SNX29: variants seen among roughly 807,000 people sequenced by gnomAD.
SNX29 encodes sorting nexin 29.
A neutral mutation model predicts 102.1 loss-of-function variants in SNX29; 78 were observed. That is an observed-to-expected ratio of 0.76 (90% CI 0.64 to 0.92). The LOEUF (loss-of-function observed/expected upper bound fraction) is 0.92, where lower values mean the gene tolerates loss of function less well. SNX29 is among the 40% of genes least tolerant of loss of function. The probability of loss-of-function intolerance (pLI) is 0.00; values close to 1 mark genes in which losing one functional copy is unlikely to be tolerated. For missense variants in SNX29, 1,280 were observed against 1,061.7 expected (o/e 1.21, Z -2.86); for synonymous variants, 580 against 414.5 (o/e 1.40, Z -4.85).
At chr16:12,506,867 C>A (rs1427473668) in intron 19 of SNX29, among the ~76,000 whole-genome samples, 3 of 141,624 alleles carry the variant, frequency 2.1e-5, no homozygotes, top group Non-Finnish European at 4.7e-5. Flanking sequence ...TCTTTCAAAT[C>A]TCTTTCCTCA....
intron 20 of SNX29, among the ~76,000 whole-genome samples, chr16:12,552,552 G>A (rs566748696): frequency 2.6e-5 from 4 of 152,290 alleles, no homozygotes; most frequent in African/African-American, 9.6e-5. Context: ...CCCAGCACTG[G>A]CACACAGGCC....
chr16:12,434,449 C>T (rs537657658), intron 18 of SNX29, among the ~76,000 whole-genome samples: 5 of 152,142 alleles, frequency 3.3e-5, no homozygotes, highest in South Asian at 2.1e-4. Flanking sequence ...GGGAGCAGGG[C>T]GAGGGAGCCG....
intron 20 of SNX29, among the ~76,000 whole-genome samples, chr16:12,565,652 G>T (rs775896339): frequency 1.3e-5 from 2 of 152,212 alleles, no homozygotes; most frequent in African/African-American, 4.8e-5. Context: ...ATAGCCTCGT[G>T]ACAGCTCAGT....
intron 19 of SNX29, among the ~76,000 whole-genome samples, chr16:12,517,222 C>A (rs939506188): frequency 1.3e-5 from 2 of 152,192 alleles, no homozygotes; most frequent in African/African-American, 4.8e-5. Flanking sequence ...TGCCTCCAGT[C>A]CTGTGGCTTC....
At chr16:12,490,694 A>G (rs2088502036) in intron 19 of SNX29, among the ~76,000 whole-genome samples, 1 of 152,240 alleles carries the variant, frequency 6.6e-6, no homozygotes, top group Admixed American at 6.5e-5. Flanking sequence ...AAAGAATAGG[A>G]TACCAGGCAC....
chr16:12,232,287 G>A (rs758553985), intron 14 of SNX29, among the ~76,000 whole-genome samples: 10 of 152,204 alleles, frequency 6.6e-5, no homozygotes, highest in Admixed American at 2.6e-4. Flanking sequence ...TGAACTTTGG[G>A]AGGCCGAGGT....
At chr16:12,252,639 G>GCACCAGGTGACCTCCTGTCAC (rs2078455050) in intron 14 of SNX29, among the ~76,000 whole-genome samples, 1 of 152,208 alleles carries the variant, frequency 6.6e-6, no homozygotes, top group East Asian at 1.9e-4. Flanking sequence ...GCTCCTGTCT[G>GCACCAGGTGACCTCCTGTCAC]CACCAGGTGA....
At chr16:12,564,172 G>T (rs890580231) in intron 20 of SNX29, among the ~76,000 whole-genome samples, 1 of 152,046 alleles carries the variant, frequency 6.6e-6, no homozygotes, top group African/African-American at 2.4e-5. Context: ...AGGATTGCTT[G>T]AGTTCAGGAG....
intron 20 of SNX29, chr16:12,557,828 C>G (rs931426849): frequency 1.3e-5 from 2 of 152,168 alleles, no homozygotes; most frequent in African/African-American, 4.8e-5. Context: ...TGTTGTTCAC[C>G]AAAACATCAT....
rs1031112260 is a variant in SNX29 at position 12,056,444 on chromosome 16, C to A, written c.1124+4222C>A. ...ACAGAGCAGCCTGGGGAAGACACAG[C>A]GGAGTGATGGGATGGCCTGCTGAGT... On this transcript the variant is annotated intron_variant, in intron 8 of 20. Transcript: ENST00000566228. 1.3e-5 allele frequency among the ~76,000 whole-genome samples: 2 copies of A among 152,172 alleles called. 1 individual carries two copies. Among genetic ancestry groups the A allele is most frequent in the South Asian group, 4.1e-4 (2 of 4,832 alleles).
intron 18 of SNX29, among the ~76,000 whole-genome samples, chr16:12,431,434 CTTT>C (rs200189537): frequency 2.9e-5 from 4 of 136,950 alleles, no homozygotes; most frequent in Admixed American, 7.3e-5. Context: ...TCTTCTTCTT[CTTT>C]TTTTTTTTTT....
Position 12,332,009 on chromosome 16 carries a change from A to G in SNX29, c.1783-24154A>G, listed in dbSNP as rs1308998512. Among the ~76,000 whole-genome samples the G allele has an allele frequency of 2.6e-5, 4 of 152,230 alleles. No individual in the cohort carries two copies. The East Asian group carries it at 7.8e-4, about 30-fold the overall frequency. ...TAGTAGGTGGAGCCTGCAGTGAGCCAAGATCATGCCACTGCACTGGAGCCT... is the reference window on the plus strand; with the variant it reads ...TAGTAGGTGGAGCCTGCAGTGAGCCGAGATCATGCCACTGCACTGGAGCCT... On this transcript the variant is annotated intron_variant, in intron 15 of 20. Transcript: ENST00000566228.
At chr16:12,132,526 G>T (rs528259243) in intron 13 of SNX29, among the ~76,000 whole-genome samples, 1 of 152,362 alleles carries the variant, frequency 6.6e-6, no homozygotes, top group East Asian at 1.9e-4. Flanking sequence ...TCATCTCAGG[G>T]ATGGAGAGGA....
intron 14 of SNX29, among the ~76,000 whole-genome samples, chr16:12,270,522 T>C (rs1446213877): frequency 6.6e-6 from 1 of 152,182 alleles, no homozygotes; most frequent in African/African-American, 2.4e-5. Context: ...ATGAATGGTC[T>C]CTCATGCCTT....
intron 16 of SNX29, among the ~76,000 whole-genome samples, chr16:12,379,522 G>A (rs1360182370): frequency 6.6e-6 from 1 of 152,206 alleles, no homozygotes; most frequent in Non-Finnish European, 1.5e-5. Context: ...ATGGGTCCAG[G>A]ACTGTGCCCT....
intron 19 of SNX29, among the ~76,000 whole-genome samples, chr16:12,510,279 G>T (rs1398509852): frequency 6.6e-6 from 1 of 152,234 alleles, no homozygotes; most frequent in East Asian, 1.9e-4. Flanking sequence ...TGAGGGGTGT[G>T]TGCCTTGTGC....
At chr16:12,017,465 C>G (rs1480623886) in intron 3 of SNX29, among the ~76,000 whole-genome samples, 1 of 152,042 alleles carries the variant, frequency 6.6e-6, no homozygotes, top group Non-Finnish European at 1.5e-5. Context: ...GCTATATGTT[C>G]TGTTAATATT....
chr16:12,545,156 ACT>A (rs1458963789), intron 20 of SNX29, among the ~76,000 whole-genome samples: 6 of 151,980 alleles, frequency 3.9e-5, no homozygotes, highest in Non-Finnish European at 8.8e-5. Context: ...AAGTACAGAC[ACT>A]CTGCCAGCCG....
At chr16:12,308,638 C>T (rs1344518866) in intron 15 of SNX29, among the ~76,000 whole-genome samples, 1 of 152,164 alleles carries the variant, frequency 6.6e-6, no homozygotes, top group Non-Finnish European at 1.5e-5. Context: ...AGAAAAAATC[C>T]TCGACTTCTA....
Sources: gnomAD v4.1 joint callset for allele counts (sites outside exome capture counted in the v4.1 genomes callset) on GRCh38, gnomAD v4.1.1 for gene constraint, MANE v1.5 for transcripts, NCBI Gene and HGNC (gene_info 2026-07-23, HGNC 2026-07-21) for gene names.